Variants in ADAM12 observed in about 807,000 individuals in gnomAD.
ADAM12 encodes disintegrin and metalloproteinase domain-containing protein 12.
A neutral mutation model predicts 106.4 loss-of-function variants in ADAM12; 70 were observed. The observed-to-expected ratio is 0.66, with a 90% confidence interval of 0.54 to 0.80. The LOEUF (loss-of-function observed/expected upper bound fraction) is 0.80. ADAM12 is among the 30% of genes least tolerant of loss of function. The probability of loss-of-function intolerance (pLI) is 0.00; values close to 1 mark genes in which losing one functional copy is unlikely to be tolerated. For synonymous variants in ADAM12, 420 were observed against 433.5 expected (o/e 0.97, Z 0.39); for missense variants, 1,010 against 1,171.9 (o/e 0.86, Z 2.02).
intron 3 of ADAM12, among the ~76,000 whole-genome samples, chr10:126,159,967 C>A (rs989937262): frequency 6.6e-6 from 1 of 152,190 alleles, no homozygotes; most frequent in African/African-American, 2.4e-5. Context: ...GTGCTTACAG[C>A]CCTGACCATG....
At chr10:126,151,841 A>G (rs1244226233) in intron 4 of ADAM12, among the ~76,000 whole-genome samples, 1 of 151,950 alleles carries the variant, frequency 6.6e-6, no homozygotes. Flanking sequence ...TGTTCACAAC[A>G]TTCTTGTGAT....
At chr10:126,146,773 C>T (rs564434254) in intron 4 of ADAM12, among the ~76,000 whole-genome samples, 1 of 152,246 alleles carries the variant, frequency 6.6e-6, no homozygotes, top group South Asian at 2.1e-4. Flanking sequence ...CCTTTCTTTA[C>T]CTACAACTGT....
At chr10:126,192,657 G>A (rs532001706) in intron 3 of ADAM12, among the ~76,000 whole-genome samples, 1 of 152,308 alleles carries the variant, frequency 6.6e-6, no homozygotes, top group East Asian at 1.9e-4. Flanking sequence ...TCAGTAGATG[G>A]GATCCCCCTC....
chr10:126,164,739 ACACT>A (rs1956994966), intron 3 of ADAM12, among the ~76,000 whole-genome samples: 1 of 152,140 alleles, frequency 6.6e-6, no homozygotes, highest in African/African-American at 2.4e-5. Context: ...TCCTCTGAAA[ACACT>A]CACTCTGGTT....
At chr10:126,169,008 G>A (rs751389017) in intron 3 of ADAM12, among the ~76,000 whole-genome samples, 5 of 151,992 alleles carry the variant, frequency 3.3e-5, no homozygotes, top group South Asian at 2.1e-4. Flanking sequence ...AGCCGAGATC[G>A]CACCAGTGCA....
intron 21 of ADAM12, among the ~76,000 whole-genome samples, chr10:126,027,664 C>T (rs1057483475): frequency 2.6e-5 from 4 of 151,924 alleles, no homozygotes; most frequent in African/African-American, 9.7e-5. Flanking sequence ...ATAAAATTCA[C>T]CCCATAATAT....
intron 1 of ADAM12, among the ~76,000 whole-genome samples, chr10:126,332,904 T>C (rs948844127): frequency 6.6e-6 from 1 of 152,196 alleles, no homozygotes; most frequent in Admixed American, 6.5e-5. Context: ...GATCCAGCTA[T>C]ACAGCTCCTG....
chr10:126,205,173 A>G (rs10794065), intron 3 of ADAM12, among the ~76,000 whole-genome samples: 122,207 of 151,994 alleles, frequency 0.8, 49,265 homozygotes, highest in Middle Eastern at 0.89. Context: ...CAGAGAGCCA[A>G]AGCCATGATG....
intron 5 of ADAM12, 181 bp downstream of exon 5, chr10:126,135,403 G>A: frequency 1.7e-6 from 1 of 593,380 alleles, no homozygotes; most frequent in Non-Finnish European, 3.0e-6. Flanking sequence ...AAGATCCTGG[G>A]TGGCCATGCT....
At chr10:126,051,661 C>T (rs1236067034) in intron 14 of ADAM12, among the ~76,000 whole-genome samples, 7 of 151,740 alleles carry the variant, frequency 4.6e-5, no homozygotes, top group Non-Finnish European at 7.4e-5. Context: ...AGCCGGCCAC[C>T]CATCCATCCA....
In ADAM12 at chr10:126,340,713, G is replaced by T. The variant is rs557253817; in HGVS notation, c.89-10204C>A. Among the ~76,000 whole-genome samples, 6 of 147,534 alleles carry T rather than the reference G, an allele frequency of 4.1e-5. No homozygotes were observed. The South Asian group carries it at 8.8e-4, about 22-fold the overall frequency. On this transcript the variant is annotated intron_variant, in intron 1 of 22. Coordinates refer to ENST00000448723, the MANE Select transcript of ADAM12 (RefSeq NM_001288973.2). ...ATAGTGCTCAGCTATGTCCTACCTCGTGGCCTGTTTTTTTTTTTTTTTGAG... is the reference window on the plus strand; with the variant it reads ...ATAGTGCTCAGCTATGTCCTACCTCTTGGCCTGTTTTTTTTTTTTTTTGAG...
chr10:126,271,935 C>A (rs990944362), intron 3 of ADAM12, among the ~76,000 whole-genome samples: 1 of 152,196 alleles, frequency 6.6e-6, no homozygotes, highest in East Asian at 1.9e-4. Flanking sequence ...AGTACAAAGA[C>A]CTTCTAGAAT....
intron 9 of ADAM12, among the ~76,000 whole-genome samples, chr10:126,100,578 G>T (rs1178988482): frequency 1.3e-5 from 2 of 151,816 alleles, no homozygotes; most frequent in East Asian, 3.9e-4. Flanking sequence ...AGCTGGGCGT[G>T]GTGGCGTGTG....
At chr10:126,373,541 G>A (rs181185300) in intron 1 of ADAM12, among the ~76,000 whole-genome samples, 7 of 152,230 alleles carry the variant, frequency 4.6e-5, no homozygotes, top group Non-Finnish European at 7.4e-5. Flanking sequence ...TGATCCACTC[G>A]CTCTAGAGGC....
intron 21 of ADAM12, among the ~76,000 whole-genome samples, chr10:126,031,449 A>T (rs1953969820): frequency 6.6e-6 from 1 of 152,210 alleles, no homozygotes; most frequent in Non-Finnish European, 1.5e-5. Context: ...TTAACCTCTG[A>T]ACTGGCCAGC....
At chr10:126,032,324 G>A (rs560341508) in intron 21 of ADAM12, among the ~76,000 whole-genome samples, 14 of 152,282 alleles carry the variant, frequency 9.2e-5, no homozygotes, top group South Asian at 2.1e-4. Flanking sequence ...ATTAATTTCC[G>A]TTCCCTATGT....
intron 3 of ADAM12, among the ~76,000 whole-genome samples, chr10:126,174,416 A>C (rs1216041512): frequency 6.6e-6 from 1 of 151,914 alleles, no homozygotes; most frequent in African/African-American, 2.4e-5. Flanking sequence ...GCTGTCCCTG[A>C]CCCAGCTGTG....
At chr10:126,028,034 C>CTA (rs921411954) in intron 21 of ADAM12, among the ~76,000 whole-genome samples, 1 of 152,102 alleles carries the variant, frequency 6.6e-6, no homozygotes, top group African/African-American at 2.4e-5. Context: ...GCTAGCATTC[C>CTA]TATACACCAA....
chr10:126,197,902 AG>A (rs1392052407), intron 3 of ADAM12, among the ~76,000 whole-genome samples: 1 of 152,208 alleles, frequency 6.6e-6, no homozygotes, highest in Non-Finnish European at 1.5e-5. Context: ...GGTACGTGGA[AG>A]GCCTAAGTCT....
Sources: gnomAD v4.1 joint callset for allele counts (sites outside exome capture counted in the v4.1 genomes callset) on GRCh38, gnomAD v4.1.1 for gene constraint, MANE v1.5 for transcripts, NCBI Gene and HGNC (gene_info 2026-07-23, HGNC 2026-07-21) for gene names.